TAOK2: variants seen among roughly 807,000 people sequenced by gnomAD.
The protein encoded by TAOK2 is TAO kinase 2, also known as serine/threonine-protein kinase TAO2.
In TAOK2, 42 loss-of-function variants were observed where a neutral mutation model predicts 122.5. The observed-to-expected ratio is 0.34, with a 90% confidence interval of 0.27 to 0.44. TAOK2 has a LOEUF of 0.44. Ranked by LOEUF, TAOK2 falls within the 20% of genes least tolerant of loss-of-function variation. The pLI is 1.00. For missense variants in TAOK2, 1,264 were observed against 1,644.9 expected (o/e 0.77, Z 4.01); for synonymous variants, 704 against 677.6 (o/e 1.04, Z -0.61).
Position 29,986,522 on chromosome 16 carries a change from C to A in TAOK2, c.2250C>A (p.Arg750=). 6.2e-7 allele frequency: 1 copy of A among 1,611,356 alleles called. No individual in the cohort carries two copies. The highest frequency in any genetic ancestry group is 2.2e-5 in the East Asian group (1 of 44,836). ...PKSLKVRAGQ[R]PPGLPLPIPG... ...GCCTCAAAGTACGTGCAGGCCAGCG[C>A]CCCCCGGGCCTTCCACTCCCCATTC... is the stretch of plus-strand genomic sequence containing the variant. The change falls in exon 16 of 16, where the codon CGC becomes CGA. Residue 750 remains arginine, a synonymous_variant. Coordinates refer to ENST00000308893, the MANE Select transcript of TAOK2 (RefSeq NM_016151.4). The surrounding 1 kb of genome is among the most constrained non-coding windows in gnomAD (Gnocchi z 4.2).
rs368747234 is a variant in TAOK2 at position 29,983,209 on chromosome 16, AGAGGAGGAGGAG to A, written c.1146_1157del (p.Glu389_Glu392del). 15 of 1,612,966 alleles carry A rather than the reference AGAGGAGGAGGAG, an allele frequency of 9.3e-6. No homozygotes were observed. The highest frequency in any genetic ancestry group is 1.2e-5 in the Non-Finnish European group (14 of 1,179,590). Reference sequence around the variant, plus strand: ...TAGCAGATGCCTCAGACAACGAGGAAGAGGAGGAGGAGGAGGAGGAAGAGGAGGAGGAGGAAG... The same window carrying A: ...TAGCAGATGCCTCAGACAACGAGGAAGAGGAGGAAGAGGAGGAGGAGGAAG... On this transcript the variant is annotated inframe_deletion, in exon 12 of 16. Transcript: ENST00000308893.
Position 29,983,201 on chromosome 16 carries a change from A to G in TAOK2, c.1129A>G (p.Asn377Asp), listed in dbSNP as rs769621464. 3 of 1,613,756 alleles carry G rather than the reference A, an allele frequency of 1.9e-6. No homozygotes were observed. The highest frequency in any genetic ancestry group is 1.1e-5 in the South Asian group (1 of 91,078). The change falls in exon 12 of 16, where the codon AAC (asparagine) becomes GAC (aspartate). Residue 377 changes from asparagine to aspartate, a missense_variant. Around this residue, in one of 4 missense-constraint regions of TAOK2, gnomAD observed 254 missense variants for 503.8 expected, o/e 0.50. Coordinates refer to ENST00000308893, the MANE Select transcript of TAOK2 (RefSeq NM_016151.4). ...CAACAGCCTAGCAGATGCCTCAGAC[A>G]ACGAGGAAGAGGAGGAGGAGGAGGA... Reference protein sequence around the residue: ...SVNSLADASDNEEEEEEEEEE... With the variant: ...SVNSLADASDDEEEEEEEEEE...
chr16:29,981,145 C>G (rs2069599888), intron 8 of TAOK2: 3 of 186,468 alleles, frequency 1.6e-5, no homozygotes, highest in African/African-American at 4.7e-5. Context: ...TTTACAAAGC[C>G]CTTCTCTGAA....
At chr16:29,978,691 C>T (rs2069529665) in intron 4 of TAOK2, 108 bp from the exon 5 acceptor site, 2 of 1,337,400 alleles carry the variant, frequency 1.5e-6, no homozygotes, top group South Asian at 2.4e-5. Context: ...TGCGCTTCCT[C>T]CCTGTCATCA....
downstream of TAOK2, chr16:29,991,113 C>G (rs763077540): frequency 9.4e-6 from 15 of 1,601,474 alleles, no homozygotes; most frequent in East Asian, 2.7e-4. This position sits in a 1 kb window ranked among gnomAD's most constrained non-coding sequence, Gnocchi z 5.6. Context: ...GCTTGAGCGG[C>G]AGGCCCGTGA....
rs2069883104 is a variant in TAOK2 at position 29,988,373 on chromosome 16, A to C, written c.*393A>C. 1 of 1,332,198 alleles carries C rather than the reference A, an allele frequency of 7.5e-7. No homozygotes were observed. The highest frequency in any genetic ancestry group is 9.8e-7 in the Non-Finnish European group (1 of 1,017,608). The allele number at this position is 1,332,198 out of a possible 1,614,324, so 82.5% of individuals were successfully genotyped here. ...ACCAAAAAAAGAAAAAGACAAACAC[A>C]AATAAAATATCTGAGCGGAACTGTG... On this transcript the variant is annotated 3_prime_UTR_variant, in exon 16 of 16. Transcript: ENST00000308893.
intron 4 of TAOK2, 96 bp downstream of exon 4, chr16:29,978,449 G>A: frequency 7.5e-7 from 1 of 1,331,904 alleles, no homozygotes; most frequent in Non-Finnish European, 1.1e-6. Flanking sequence ...TCGTGGTGCT[G>A]TTGTGGGATC....
In TAOK2 at chr16:29,987,598, G is replaced by A. The variant is rs767790551; in HGVS notation, c.3326G>A (p.Arg1109Gln). 1.4e-5 allele frequency: 22 copies of A among 1,612,332 alleles called. No individual in the cohort carries two copies. The highest frequency in any genetic ancestry group is 2.2e-5 in the East Asian group (1 of 44,842). Residue 1109 changes from arginine to glutamine, a missense_variant, in exon 16 of 16, where the codon CGG (arginine) becomes CAG (glutamine). Arg to Gln is a conservative substitution (Grantham distance 43). This residue lies in a region of TAOK2 where 824 missense variants were observed against 908.7 expected (regional missense o/e 0.91). Coordinates refer to ENST00000308893, the MANE Select transcript of TAOK2 (RefSeq NM_016151.4). ...ALQGCGAVGD[R>Q]GLFALYPKTN... ...CAGGGCTGTGGGGCTGTGGGGGACC[G>A]GGGTCTGTTTGCACTGTACCCCAAA...
chr16:29,988,774 G>T, downstream of TAOK2: 9 of 985,382 alleles, frequency 9.1e-6, no homozygotes, highest in Non-Finnish European at 1.1e-5. Context: ...GTTGGGGGAC[G>T]GGGCTGCAGA....
downstream of TAOK2, chr16:29,991,034 C>G (rs112619279): frequency 6.3e-7 from 1 of 1,576,456 alleles, no homozygotes; most frequent in African/African-American, 1.3e-5. This position sits in a 1 kb window ranked among gnomAD's most constrained non-coding sequence, Gnocchi z 5.6. Context: ...AACCTCTGTT[C>G]CGGATGCCCC....
In TAOK2 at chr16:29,985,441, G is replaced by T; in HGVS notation, c.1651G>T (p.Glu551Ter). ...GGCCCGGCGGCACCAGGCCATAGGT[G>T]AGAAGGAGGCACGAGCTGCCCAGGC... ...KLARRHQAIGEKEARAAQAEE... is the reference protein window; with the variant it reads ...KLARRHQAIG The change falls in exon 14 of 16, where the codon GAG (glutamate) becomes TAG (stop). Residue 551 changes from glutamate to a stop codon, truncating the protein, a stop_gained. Coordinates refer to ENST00000308893, the MANE Select transcript of TAOK2 (RefSeq NM_016151.4). LOFTEE classifies it high-confidence loss of function. This position sits in a 1 kb window ranked among gnomAD's most constrained non-coding sequence, Gnocchi z 6.9. 1 of 1,610,916 alleles carries T rather than the reference G, an allele frequency of 6.2e-7. No homozygotes were observed. Among genetic ancestry groups the T allele is most frequent in the Non-Finnish European group, 8.5e-7 (1 of 1,178,742 alleles).
intron 10 of TAOK2, among the ~76,000 whole-genome samples, chr16:29,982,163 T>C (rs1567242185): frequency 6.6e-6 from 1 of 152,222 alleles, no homozygotes; most frequent in Non-Finnish European, 1.5e-5. Context: ...CTTTTATTAA[T>C]CAAAGATTTA....
chr16:29,983,230 A>G lies in TAOK2; in HGVS notation c.1158A>G (p.Glu386=), dbSNP rs1277999217. Residue 386 remains glutamate, a synonymous_variant, in exon 12 of 16, where the codon GAA becomes GAG. Coordinates refer to ENST00000308893, the MANE Select transcript of TAOK2 (RefSeq NM_016151.4). Reference sequence around the variant, plus strand: ...AGGAAGAGGAGGAGGAGGAGGAGGAAGAGGAGGAGGAGGAAGAAGGCCCTG... The same window carrying G: ...AGGAAGAGGAGGAGGAGGAGGAGGAGGAGGAGGAGGAGGAAGAAGGCCCTG... ...DNEEEEEEEE[E]EEEEEEGPEA... is the part of the protein sequence containing the mutation. 4.3e-6 allele frequency: 7 copies of G among 1,611,952 alleles called. No individual in the cohort carries two copies. The highest frequency in any genetic ancestry group is 5.1e-6 in the Non-Finnish European group (6 of 1,179,706).
chr16:29,989,252 C>A (rs2069907589), downstream of TAOK2: 1 of 985,332 alleles, frequency 1.0e-6, no homozygotes, highest in Non-Finnish European at 1.2e-6. Context: ...GTTCCCTGTC[C>A]AGTAACTCCG....
Position 29,979,148 on chromosome 16 carries a change from A to G in TAOK2, c.450-47A>G, listed in dbSNP as rs752822328. ...TCACTTAGCTGGGCTGCCCCTGCCT[A>G]GCTTTCTTGAGACACATGTCTCATC... is the stretch of plus-strand genomic sequence containing the variant. On this transcript the variant is annotated intron_variant, in intron 6 of 15. Transcript: ENST00000308893. This position sits in a 1 kb window ranked among gnomAD's most constrained non-coding sequence, Gnocchi z 4.1. 7.4e-6 allele frequency: 12 copies of G among 1,613,380 alleles called. No homozygotes were observed. Among genetic ancestry groups the G allele is most frequent in the African/African-American group, 1.3e-5 (1 of 74,914 alleles).
chr16:29,989,925 T>A, downstream of TAOK2: 1 of 883,648 alleles, frequency 1.1e-6, no homozygotes, highest in Non-Finnish European at 1.7e-6. Flanking sequence ...GAAACTCACA[T>A]ACTCTCCCTC....
chr16:29,980,531 C>T (rs2069581088), intron 8 of TAOK2: 1 of 152,272 alleles, frequency 6.6e-6, no homozygotes, highest in Non-Finnish European at 1.5e-5. Context: ...CCCTTTCCTT[C>T]ATGGGCTCCA....
Position 29,986,860 on chromosome 16 carries a change from G to C in TAOK2, c.2588G>C (p.Gly863Ala). 1 of 1,614,034 alleles carries C rather than the reference G, an allele frequency of 6.2e-7. No individual in the cohort carries two copies. Among genetic ancestry groups the C allele is most frequent in the East Asian group, 2.2e-5 (1 of 44,872 alleles). ...GTACCCCAGGAGAGGAGCATTGTTG[G>C]CCAGGAGGAGGCTGGGACATGGAGC... The part of the protein sequence containing the change: ...SLVPQERSIV[G>A]QEEAGTWSLW... Residue 863 changes from glycine to alanine, a missense_variant, in exon 16 of 16, where the codon GGC (glycine) becomes GCC (alanine). By Grantham distance (60) the Gly-to-Ala change is moderately conservative. Around this residue, in one of 4 missense-constraint regions of TAOK2, gnomAD observed 824 missense variants for 908.7 expected, o/e 0.91. Transcript: ENST00000308893. The surrounding 1 kb of genome is among the most constrained non-coding windows in gnomAD (Gnocchi z 4.2).
downstream of TAOK2, chr16:29,990,787 C>T (rs2069947816): frequency 4.4e-6 from 7 of 1,602,596 alleles, no homozygotes; most frequent in East Asian, 2.2e-5. Context: ...TCCCCAGCTG[C>T]GGCTTGATGA....
Sources: gnomAD v4.1 joint callset for allele counts (sites outside exome capture counted in the v4.1 genomes callset) on GRCh38, gnomAD v4.1.1 for gene constraint, gnomAD v4.1.1 regional missense constraint, Gnocchi (gnomAD v3.1) non-coding constraint, MANE v1.5 for transcripts, NCBI Gene and HGNC (gene_info 2026-07-23, HGNC 2026-07-21) for gene names.